BAZ1A: variants seen among roughly 807,000 people sequenced by gnomAD.
The protein encoded by BAZ1A is bromodomain adjacent to zinc finger domain 1A.
Under a neutral mutation model 185.2 loss-of-function variants are expected in BAZ1A, and 50 were observed. The ratio of observed to expected loss-of-function variants is 0.27; its 90% CI spans 0.22 to 0.34. BAZ1A has a LOEUF of 0.34. Among genes scored for constraint, BAZ1A ranks in the 10% least tolerant of loss-of-function variants. The probability of loss-of-function intolerance (pLI) is 1.00; values close to 1 mark genes in which losing one functional copy is unlikely to be tolerated. For synonymous variants in BAZ1A, 571 were observed against 615.6 expected, an observed-to-expected ratio of 0.93 and a Z score of 1.07; for missense variants, 1,356 against 1,839.9, an observed-to-expected ratio of 0.74 and a Z score of 4.81.
intron 23 of BAZ1A, among the ~76,000 whole-genome samples, chr14:34,762,945 G>A (rs574722569): frequency 4.7e-4 from 71 of 152,260 alleles, no homozygotes; most frequent in Non-Finnish European, 8.7e-4. Flanking sequence ...TGCTACAGGA[G>A]ACTACCACTT....
At chr14:34,813,421 G>A (rs1001460968) in intron 4 of BAZ1A, among the ~76,000 whole-genome samples, 2 of 152,058 alleles carry the variant, frequency 1.3e-5, no homozygotes, top group African/African-American at 2.4e-5. Context: ...AGTGGCTCAC[G>A]CCTGTAATCC....
chr14:34,780,418 G>C (rs1352191274), intron 16 of BAZ1A, 108 bp from the exon 17 acceptor site: 1 of 1,106,446 alleles, frequency 9.0e-7, no homozygotes, highest in African/African-American at 1.6e-5. Context: ...TTAGGAAGTA[G>C]TGAACAACAT....
At chr14:34,770,052 A>G (rs1380420523) in intron 21 of BAZ1A, among the ~76,000 whole-genome samples, 2 of 152,272 alleles carry the variant, frequency 1.3e-5, no homozygotes, top group Non-Finnish European at 2.9e-5. Flanking sequence ...GATACTGGCC[A>G]CAACTCTTCA....
At chr14:34,783,269 G>A (rs1329431384) in intron 15 of BAZ1A, 37 bp from the exon 16 acceptor site, 2 of 1,225,062 alleles carry the variant, frequency 1.6e-6, no homozygotes. Flanking sequence ...TCTATCTGAT[G>A]CACATATACA....
At chr14:34,846,750 A>G (rs2042518596) in intron 3 of BAZ1A, among the ~76,000 whole-genome samples, 1 of 152,130 alleles carries the variant, frequency 6.6e-6, no homozygotes, top group Non-Finnish European at 1.5e-5. Flanking sequence ...ATTAGGTTGG[A>G]TGGTCTCTGG....
At chr14:34,838,682 G>A (rs2042366096) in intron 3 of BAZ1A, among the ~76,000 whole-genome samples, 1 of 151,646 alleles carries the variant, frequency 6.6e-6, no homozygotes, top group African/African-American at 2.4e-5. Flanking sequence ...CCACCTCCAC[G>A]CCCGGCTAAT....
intron 4 of BAZ1A, among the ~76,000 whole-genome samples, chr14:34,819,138 CTCAAA>C (rs1566578736): frequency 3.0e-5 from 1 of 33,340 alleles, no homozygotes; most frequent in African/African-American, 1.3e-4. Flanking sequence ...AAGACTCTGT[CTCAAA>C]AAAAAAAAAA....
At chr14:34,869,399 G>A (rs775016965) in intron 2 of BAZ1A, among the ~76,000 whole-genome samples, 4 of 152,136 alleles carry the variant, frequency 2.6e-5, no homozygotes, top group Admixed American at 2.0e-4. Context: ...GTTTTCAAGA[G>A]AGAAAGTTAG....
chr14:34,867,518 A>C (rs1338458242), intron 2 of BAZ1A, among the ~76,000 whole-genome samples: 1 of 152,200 alleles, frequency 6.6e-6, no homozygotes, highest in Non-Finnish European at 1.5e-5. Flanking sequence ...ACTGCCTAAA[A>C]ATACCAAGAA....
At chr14:34,789,303 A>T (rs1467353751) in intron 12 of BAZ1A, among the ~76,000 whole-genome samples, 1 of 152,324 alleles carries the variant, frequency 6.6e-6, no homozygotes, top group Admixed American at 6.5e-5. Context: ...AAAGGCTATA[A>T]AAAGGCCTTT....
At chr14:34,760,482 C>G (rs1257136246) in intron 24 of BAZ1A, among the ~76,000 whole-genome samples, 1 of 133,592 alleles carries the variant, frequency 7.5e-6, no homozygotes, top group African/African-American at 2.7e-5. Context: ...CTCTGAAGAA[C>G]AGTGGCTTTT....
In BAZ1A at chr14:34,762,139, T is replaced by A. The variant is rs1298817251; in HGVS notation, c.3861A>T (p.Gln1287His). 1.2e-6 allele frequency: 2 copies of A among 1,614,112 alleles called. No individual in the cohort carries two copies. The highest frequency in any genetic ancestry group is 1.7e-6 in the Non-Finnish European group (2 of 1,180,044). The change falls in exon 24 of 27, where the codon CAA (glutamine) becomes CAT (histidine). Residue 1287 changes from glutamine (Q) to histidine (H), a missense_variant. Gln to His is a conservative substitution (Grantham distance 24). Transcript: ENST00000360310. ...KLSSSFSSRG[Q>H]QQEPGRYPSR... ...AAGGGTATCTTCCAGGTTCTTGTTG[T>A]TGGCCACGACTTGAGAAAGAAGAGC...
At chr14:34,831,111 T>A (rs1555343176) in intron 3 of BAZ1A, among the ~76,000 whole-genome samples, 1 of 152,216 alleles carries the variant, frequency 6.6e-6, no homozygotes, top group Non-Finnish European at 1.5e-5. Flanking sequence ...GCTGACTATA[T>A]CATTCATTTG....
chr14:34,846,548 T>C (rs777322427), intron 3 of BAZ1A, among the ~76,000 whole-genome samples: 6 of 152,238 alleles, frequency 3.9e-5, no homozygotes, highest in Non-Finnish European at 8.8e-5. Context: ...ATTTACAACA[T>C]AGCTTTATAT....
intron 3 of BAZ1A, among the ~76,000 whole-genome samples, chr14:34,826,407 C>T (rs2042166029): frequency 6.6e-6 from 1 of 152,136 alleles, no homozygotes; most frequent in South Asian, 2.1e-4. Context: ...CTTCCTTCTG[C>T]TAGCTCTGGA....
In BAZ1A at chr14:34,753,655, G is replaced by A. The variant is rs1205018359; in HGVS notation, c.4524C>T (p.Tyr1508=). The change falls in exon 27 of 27, where the codon TAC becomes TAT. Residue 1508 remains tyrosine, a synonymous_variant. Transcript: ENST00000360310. The part of the protein sequence containing the change: ...IELMFSNCFE[Y]NPRNTSEAKA... ...TTGCTTCACTTGTGTTACGAGGGTT[G>A]TATTCAAAGCAGTTCGAAAACATTA... 9.3e-6 allele frequency: 15 copies of A among 1,612,856 alleles called. No homozygotes were observed. The highest frequency in any genetic ancestry group is 1.3e-5 in the Non-Finnish European group (15 of 1,178,996).
rs1356513643 is a variant in BAZ1A at position 34,800,139 on chromosome 14, G to A, written c.1128+85C>T. 3 of 1,180,808 alleles carry A rather than the reference G, an allele frequency of 2.5e-6. No individual in the cohort carries two copies. In the African/African-American group the frequency reaches 4.8e-5, roughly 19 times the overall value. The allele number at this position is 1,180,808 out of a possible 1,614,324, so 73.1% of individuals were successfully genotyped here. A position where few individuals can be genotyped will look rare whatever the true frequency, so the allele number is the denominator to read the frequency against. On this transcript the variant is annotated intron_variant, in intron 9 of 26. Coordinates refer to ENST00000360310, the MANE Select transcript of BAZ1A (RefSeq NM_013448.3). ...ATAAATGTGAATGAAAGTAGTAAAAGCATTTAAAAATCAACCATGGATGTA... is the reference window on the plus strand; with the variant it reads ...ATAAATGTGAATGAAAGTAGTAAAAACATTTAAAAATCAACCATGGATGTA...
rs1301465185 is a variant in BAZ1A at position 34,810,917 on chromosome 14, G to A, written c.638+18C>T. The A allele has an allele frequency of 6.6e-7, 1 of 1,517,016 alleles. No homozygotes were observed. The highest frequency in any genetic ancestry group is 1.7e-5 in the Admixed American group (1 of 58,548). The allele number at this position is 1,517,016 out of a possible 1,614,324, so 94.0% of individuals were successfully genotyped here. A position where few individuals can be genotyped will look rare whatever the true frequency, so the allele number is the denominator to read the frequency against. ...TTATTCTACTTTAAACTACTATTGA[G>A]AAGATAGTGAGTTTTACCTGATTTG... On this transcript the variant is annotated intron_variant, in intron 5 of 26. Coordinates refer to ENST00000360310, the MANE Select transcript of BAZ1A (RefSeq NM_013448.3).
chr14:34,773,643 T>G lies in BAZ1A; in HGVS notation c.3081A>C (p.Ile1027=). Residue 1027 remains isoleucine, a synonymous_variant, in exon 20 of 27, where the codon ATA becomes ATC. Transcript: ENST00000360310. ...LLSEENKENG[I]IKTVNEDVEE... is the part of the protein sequence containing the mutation. ...CTACGTCTTCATTCACAGTTTTAAT[T>G]ATCCCATTTTCCTTGTTTTCCTCAC... The G allele has an allele frequency of 6.2e-7, 1 of 1,613,432 alleles. No homozygotes were observed. Among genetic ancestry groups the G allele is most frequent in the South Asian group, 1.1e-5 (1 of 91,070 alleles).
Sources: allele counts gnomAD v4.1 joint callset (sites outside exome capture counted in the v4.1 genomes callset), GRCh38; gene constraint gnomAD v4.1.1; transcripts MANE v1.5; gene names NCBI Gene and HGNC (gene_info 2026-07-23, HGNC 2026-07-21).